Variants in PACS1 observed in about 807,000 individuals in gnomAD.
The protein encoded by PACS1 is phosphofurin acidic cluster sorting protein 1.
A neutral mutation model predicts 115.0 loss-of-function variants in PACS1; 24 were observed. The ratio of observed to expected loss-of-function variants is 0.21; its 90% CI spans 0.15 to 0.29. PACS1 has a LOEUF of 0.29. Among genes scored for constraint, PACS1 ranks in the 10% least tolerant of loss-of-function variants. The probability of loss-of-function intolerance (pLI) is 1.00; values close to 1 mark genes in which losing one functional copy is unlikely to be tolerated. For missense variants in PACS1, 838 were observed against 1,251.2 expected (o/e 0.67, Z 4.98); for synonymous variants, 453 against 504.5 (o/e 0.90, Z 1.37).
rs111520944 is a variant in PACS1, at chr11:66,235,351, A to G, written c.2155A>G (p.Thr719Ala). 4 of 1,614,120 alleles carry G rather than the reference A, an allele frequency of 2.5e-6. No homozygotes were observed. The Admixed American group carries it at 5.0e-5, about 20-fold the overall frequency. The change falls in exon 18 of 24, where the codon ACG becomes GCG. Residue 719 changes from threonine to alanine, a missense_variant. Physicochemically the swap from Thr to Ala is moderately conservative, Grantham distance 58. Transcript: ENST00000320580. This position sits in a 1 kb window ranked among gnomAD's most constrained non-coding sequence, Gnocchi z 5.6. Reference sequence around the variant, plus strand: ...GATGCAGTACGTCAACGGGGCAGCCACGACACACCAGCTTCCCGTGGCCGA... The same window carrying G: ...GATGCAGTACGTCAACGGGGCAGCCGCGACACACCAGCTTCCCGTGGCCGA... Reference protein sequence around the residue: ...RVMQYVNGAATTHQLPVAEAM... With the variant: ...RVMQYVNGAAATHQLPVAEAM...
chr11:66,105,054 A>T (rs893526100), intron 1 of PACS1, among the ~76,000 whole-genome samples: 2 of 152,186 alleles, frequency 1.3e-5, no homozygotes, highest in Non-Finnish European at 2.9e-5. Flanking sequence ...GTTACTATGT[A>T]AATCTGTTAT....
At chr11:66,184,729 GTTAA>G (rs755468605) in intron 1 of PACS1, among the ~76,000 whole-genome samples, 1 of 152,280 alleles carries the variant, frequency 6.6e-6, no homozygotes, top group Non-Finnish European at 1.5e-5. Context: ...ACGTTTGTTG[GTTAA>G]TTGTTTGATA....
chr11:66,189,144 G>A (rs1854459144), intron 1 of PACS1, among the ~76,000 whole-genome samples: 1 of 152,144 alleles, frequency 6.6e-6, no homozygotes, highest in African/African-American at 2.4e-5. Flanking sequence ...CTGAATGAGG[G>A]ATAAACATTT....
At chr11:66,219,631 A>G in intron 7 of PACS1, 115 bp from the exon 8 acceptor site, 1 of 828,904 alleles carries the variant, frequency 1.2e-6, no homozygotes, top group Non-Finnish European at 2.1e-6. Context: ...CAAGTCCTCC[A>G]GTCTTCGTGT....
At position 66,230,933 on chromosome 11, in the gene PACS1, G is replaced by A; in HGVS notation, c.1619G>A (p.Ser540Asn). ...GAGCGCTCCCCAGATCTGGGCCACAGCACGCAGGTACTTCTGGGTGCCCCC... is the reference window on the plus strand; with the variant it reads ...GAGCGCTCCCCAGATCTGGGCCACAACACGCAGGTACTTCTGGGTGCCCCC... The part of the protein sequence containing the change: ...DSERSPDLGH[S>N]TQIPRKVVYD... Residue 540 changes from serine to asparagine, a missense_variant, in exon 13 of 24, where the codon AGC becomes AAC. Coordinates refer to ENST00000320580, the MANE Select transcript of PACS1 (RefSeq NM_018026.4). The A allele has an allele frequency of 6.2e-7, 1 of 1,614,080 alleles. No homozygotes were observed. The highest frequency in any genetic ancestry group is 8.5e-7 in the Non-Finnish European group (1 of 1,180,042).
intron 1 of PACS1, among the ~76,000 whole-genome samples, chr11:66,086,259 C>T (rs1262677622): frequency 6.6e-6 from 1 of 151,770 alleles, no homozygotes; most frequent in South Asian, 2.1e-4. Context: ...CTGCCTCAGC[C>T]TCCCGAGTAG....
Position 66,207,703 on chromosome 11 carries a change from G to GT in PACS1, c.445-2653dup, listed in dbSNP as rs78860840. 8.2e-3 allele frequency among the ~76,000 whole-genome samples: 1,248 copies of GT among 152,228 alleles called. 88 individuals carry two copies. The East Asian group carries it at 0.17, about 21-fold the overall frequency. ...CTGCTGATGTTATTTTATTTTTGCT[G>GT]TTTTTTGAGACAGAGTCTCGTTCTG... On this transcript the variant is annotated intron_variant, in intron 2 of 23. Coordinates refer to ENST00000320580, the MANE Select transcript of PACS1 (RefSeq NM_018026.4).
intron 7 of PACS1, among the ~76,000 whole-genome samples, chr11:66,218,941 G>A (rs1855276299): frequency 6.6e-6 from 1 of 152,070 alleles, no homozygotes. Context: ...TTGACTATGG[G>A]GTGTGAAGGG....
rs762918793 is a variant in PACS1, at chr11:66,233,900, G to A, written c.1954G>A (p.Asp652Asn). 5 of 1,593,718 alleles carry A rather than the reference G, an allele frequency of 3.1e-6. No homozygotes were observed. Among genetic ancestry groups the A allele is most frequent in the East Asian group, 2.2e-5 (1 of 44,716 alleles). ...FVKSLANKTSDWLGYMRFLII... is the reference protein window; with the variant it reads ...FVKSLANKTSNWLGYMRFLII... Reference sequence around the variant, plus strand: ...CAAGTCCCTGGCCAACAAGACCTCCGACTGGCTTGGCTACATGCGCTTCCT... The same window carrying A: ...CAAGTCCCTGGCCAACAAGACCTCCAACTGGCTTGGCTACATGCGCTTCCT... Residue 652 changes from aspartate (D) to asparagine (N), a missense_variant, in exon 16 of 24, where the codon GAC becomes AAC. Around this residue, in one of 6 missense-constraint regions of PACS1, gnomAD observed 383 missense variants for 537.0 expected, o/e 0.71. Transcript: ENST00000320580. The surrounding 1 kb of genome is among the most constrained non-coding windows in gnomAD (Gnocchi z 4.5).
At chr11:66,172,101 C>A (rs1380428889) in intron 1 of PACS1, among the ~76,000 whole-genome samples, 4 of 152,180 alleles carry the variant, frequency 2.6e-5, no homozygotes, top group Non-Finnish European at 5.9e-5. Flanking sequence ...CATTGCCATT[C>A]TTGTTTTATA....
Position 66,193,494 on chromosome 11 carries a change from G to A in PACS1, c.365G>A (p.Ser122Asn), listed in dbSNP as rs1161350227. 6 of 1,611,612 alleles carry A rather than the reference G, an allele frequency of 3.7e-6. No individual in the cohort carries two copies. The highest frequency in any genetic ancestry group is 4.2e-6 in the Non-Finnish European group (5 of 1,177,762). Residue 122 changes from serine to asparagine, a missense_variant, in exon 2 of 24, where the codon AGC (serine) becomes AAC (asparagine). Ser to Asn is a conservative substitution (Grantham distance 46). This residue lies in a region of PACS1 where 223 missense variants were observed against 354.0 expected (regional missense o/e 0.63). Coordinates refer to ENST00000320580, the MANE Select transcript of PACS1 (RefSeq NM_018026.4). ...SSSSCVPRLF[S>N]LTLKKLVMLK... ...CTTCTCTGTTTTTCTAGGCTATTCA[G>A]CTTGACCCTGAAGAAACTCGTCATG...
chr11:66,124,280 T>C (rs1261006958), intron 1 of PACS1, among the ~76,000 whole-genome samples: 1 of 152,208 alleles, frequency 6.6e-6, no homozygotes, highest in African/African-American at 2.4e-5. Flanking sequence ...GGGAATTAGC[T>C]AAGTGAAGAG....
chr11:66,219,935 A>T, intron 8 of PACS1, 130 bp downstream of exon 8: 1 of 766,494 alleles, frequency 1.3e-6, no homozygotes, highest in East Asian at 2.6e-5. Flanking sequence ...TCCCCGTGGC[A>T]TACCTGGTAG....
chr11:66,156,254 A>ATG (rs1491402806), intron 1 of PACS1, among the ~76,000 whole-genome samples: 1 of 82,184 alleles, frequency 1.2e-5, no homozygotes, highest in African/African-American at 4.9e-5. Context: ...ATATATATAT[A>ATG]GTTTTTTTTT....
At chr11:66,148,875 G>A (rs1007254266) in intron 1 of PACS1, among the ~76,000 whole-genome samples, 10 of 152,072 alleles carry the variant, frequency 6.6e-5, no homozygotes, top group African/African-American at 2.2e-4. Flanking sequence ...GCAGTGAGCC[G>A]AGATTGCACC....
intron 1 of PACS1, among the ~76,000 whole-genome samples, chr11:66,127,149 C>T (rs900952726): frequency 3.3e-5 from 5 of 152,198 alleles, no homozygotes; most frequent in Non-Finnish European, 7.3e-5. Context: ...CGGGAAGGCC[C>T]TCTGGTTCCT....
chr11:66,194,951 A>T (rs1402933982), intron 2 of PACS1, among the ~76,000 whole-genome samples: 1 of 152,076 alleles, frequency 6.6e-6, no homozygotes, highest in African/African-American at 2.4e-5. Flanking sequence ...TGGGCCGGGC[A>T]CTGTGGCTCA....
intron 1 of PACS1, among the ~76,000 whole-genome samples, chr11:66,171,582 T>A (rs1859738150): frequency 6.7e-6 from 1 of 149,870 alleles, no homozygotes; most frequent in South Asian, 2.1e-4. Flanking sequence ...TTTCTTTTCT[T>A]TTCTTTTCTT....
In PACS1 at chr11:66,070,698, C is replaced by T; in HGVS notation, c.212C>T (p.Ser71Phe). The T allele has an allele frequency of 6.3e-7, 1 of 1,580,778 alleles. No homozygotes were observed. The highest frequency in any genetic ancestry group is 8.5e-7 in the Non-Finnish European group (1 of 1,171,058). The change falls in exon 1 of 24, where the codon TCT becomes TTT. Residue 71 changes from serine to phenylalanine, a missense_variant. Around this residue, in one of 6 missense-constraint regions of PACS1, gnomAD observed 129 missense variants for 109.4 expected, o/e 1.18. Transcript: ENST00000320580. The surrounding 1 kb of genome is among the most constrained non-coding windows in gnomAD (Gnocchi z 5.9). ...SAAAASSSSS[S>F]TSTSMAVAVA... ...GCGGCTGCCTCCTCCTCGTCCTCGT[C>T]TACCTCCACCTCCATGGCCGTGGCG...
Sources: gnomAD v4.1 joint callset for allele counts (sites outside exome capture counted in the v4.1 genomes callset) on GRCh38, gnomAD v4.1.1 for gene constraint, gnomAD v4.1.1 regional missense constraint, Gnocchi (gnomAD v3.1) non-coding constraint, MANE v1.5 for transcripts, NCBI Gene and HGNC (gene_info 2026-07-23, HGNC 2026-07-21) for gene names.